Variants in TMEM42 observed in about 807,000 individuals in gnomAD.
The protein encoded by TMEM42 is transmembrane protein 42.
TMEM42 carries 8 observed loss-of-function variants against 14.0 expected under a neutral mutation model. That is an observed-to-expected ratio of 0.57 (90% CI 0.34 to 1.03). TMEM42 has a LOEUF of 1.03. Ranked by LOEUF, TMEM42 falls within the 50% of genes least tolerant of loss-of-function variation. The pLI, the probability that TMEM42 is intolerant of heterozygous loss-of-function variation, is 0.03. For synonymous variants in TMEM42, 115 were observed against 94.3 expected, an observed-to-expected ratio of 1.22 and a Z score of -1.27; for missense variants, 211 against 219.8, an observed-to-expected ratio of 0.96 and a Z score of 0.25.
At chr3:44,863,310 C>CCCCCCA (rs1553668763) in intron 1 of TMEM42, 1 of 117,436 alleles carries the variant, frequency 8.5e-6, no homozygotes, top group African/African-American at 2.8e-5. Context: ...ACCCCCCCCC[C>CCCCCCA]CCGCCGCCTT....
At position 44,862,075 on chromosome 3, in the gene TMEM42, G is replaced by A. The variant is rs1699260380; in HGVS notation, c.151G>A (p.Ala51Thr). 1.6e-6 allele frequency: 2 copies of A among 1,218,164 alleles called. No individual in the cohort carries two copies. Among genetic ancestry groups the A allele is most frequent in the Non-Finnish European group, 2.1e-6 (2 of 967,200 alleles). 75.5% of individuals were successfully genotyped at this position (1,218,164 alleles called of 1,614,324 possible). A position where few individuals can be genotyped will look rare whatever the true frequency, so the allele number is the denominator to read the frequency against. ...FNCLCAGAFG[A>T]LAAASAKLAF... ...CTGTCTGTGCGCCGGCGCGTTCGGG[G>A]CCCTGGCCGCCGCCTCCGCCAAGCT... The change falls in exon 1 of 3, where the codon GCC (alanine) becomes ACC (threonine). Residue 51 changes from alanine (A) to threonine (T), a missense_variant. Coordinates refer to ENST00000302392, the MANE Select transcript of TMEM42 (RefSeq NM_144638.3).
rs757773130 is a variant in TMEM42, at chr3:44,864,215, G to A, written c.211G>A (p.Val71Ile). The change falls in exon 2 of 3, where the codon GTC (valine) becomes ATC (isoleucine). Residue 71 changes from valine (V) to isoleucine (I), a missense_variant. By Grantham distance (29) the Val-to-Ile change is conservative. Transcript: ENST00000302392. ...FGSEVSMGLC[V>I]LGIIVMASTN... ...CCTGCAGGTGAGCATGGGTTTATGCGTCTTAGGCATTATTGTGATGGCGAG... is the reference window on the plus strand; with the variant it reads ...CCTGCAGGTGAGCATGGGTTTATGCATCTTAGGCATTATTGTGATGGCGAG... 7.4e-5 allele frequency: 120 copies of A among 1,613,988 alleles called. No homozygotes were observed. Among genetic ancestry groups the A allele is most frequent in the Admixed American group, 5.0e-4 (30 of 60,012 alleles).
At position 44,863,311 on chromosome 3, in the gene TMEM42, C is replaced by T. The variant is rs1052399676; in HGVS notation, c.193-886C>T. 1.7e-5 allele frequency: 2 copies of T among 117,774 alleles called. 1 individual carries two copies. Among genetic ancestry groups the T allele is most frequent in the Non-Finnish European group, 3.9e-5 (2 of 50,800 alleles). The allele number at this position is 117,774 out of a possible 1,614,324, so 7.3% of individuals were successfully genotyped here. A position where few individuals can be genotyped will look rare whatever the true frequency, so the allele number is the denominator to read the frequency against. ...TATTTAGATTCCGCACCCCCCCCCC[C>T]CGCCGCCTTGTCTCCAGGCAGGTTT... On this transcript the variant is annotated intron_variant, in intron 1 of 2. Coordinates refer to ENST00000302392, the MANE Select transcript of TMEM42 (RefSeq NM_144638.3).
intron 2 of TMEM42, 64 bp downstream of exon 2, chr3:44,864,407 A>G: frequency 6.2e-7 from 1 of 1,601,008 alleles, no homozygotes. Context: ...TTGTCTTTGG[A>G]TAACCCCTCC....
At chr3:44,864,047 C>A in intron 1 of TMEM42, 150 bp from the exon 2 acceptor site, 1 of 816,162 alleles carries the variant, frequency 1.2e-6, no homozygotes, top group Non-Finnish European at 1.9e-6. Flanking sequence ...AAGTGAAGCC[C>A]TGTGCAGGAA....
intron 1 of TMEM42, chr3:44,862,351 A>G (rs923679081): frequency 2.4e-4 from 38 of 160,754 alleles, no homozygotes; most frequent in Admixed American, 2.0e-4. Context: ...ACCCTCGTCC[A>G]GTGTAGGTGG....
At chr3:44,863,310 C>CA (rs893417553) in intron 1 of TMEM42, 3 of 117,538 alleles carry the variant, frequency 2.6e-5, no homozygotes, top group African/African-American at 5.6e-5. Context: ...ACCCCCCCCC[C>CA]CCGCCGCCTT....
In TMEM42 at chr3:44,865,646, CG is replaced by C. The variant is rs1559603402; in HGVS notation, c.*467del. 1 of 159,518 alleles carries C rather than the reference CG, an allele frequency of 6.3e-6. No individual in the cohort carries two copies. Among genetic ancestry groups the C allele is most frequent in the Admixed American group, 6.1e-5 (1 of 16,496 alleles). 9.9% of individuals were successfully genotyped at this position (159,518 alleles called of 1,614,324 possible). ...AAGAGGAAAACTGGATTAATAAATA[CG>C]TTTTTTGTAAGTTAAAACTACCAGG... On this transcript the variant is annotated 3_prime_UTR_variant, in exon 3 of 3. Coordinates refer to ENST00000302392, the MANE Select transcript of TMEM42 (RefSeq NM_144638.3).
At chr3:44,864,673 G>C (rs1000909091) in intron 2 of TMEM42, among the ~76,000 whole-genome samples, 2 of 152,170 alleles carry the variant, frequency 1.3e-5, no homozygotes, top group Admixed American at 1.3e-4. Flanking sequence ...GCATTTAGAG[G>C]GTTGGGATTC....
At position 44,861,999 on chromosome 3, in the gene TMEM42, T is replaced by C; in HGVS notation, c.75T>C (p.Pro25=). The change falls in exon 1 of 3, where the codon CCT becomes CCC. Residue 25 remains proline (P), a synonymous_variant. Transcript: ENST00000302392. ...ACCCTGACACCCCCGCGGAATTCCCTCCGCACCTCCAGGCGGGTGCGATGC... is the reference window on the plus strand; with the variant it reads ...ACCCTGACACCCCCGCGGAATTCCCCCCGCACCTCCAGGCGGGTGCGATGC... ...TAYPDTPAEF[P]PHLQAGAMRR... The C allele has an allele frequency of 1.4e-6, 2 of 1,385,622 alleles. No individual in the cohort carries two copies. Among genetic ancestry groups the C allele is most frequent in the Non-Finnish European group, 1.9e-6 (2 of 1,068,992 alleles). 85.8% of individuals were successfully genotyped at this position (1,385,622 alleles called of 1,614,324 possible).
chr3:44,865,490 G>A lies in TMEM42; in HGVS notation c.*310G>A, dbSNP rs1699311503. 3.0e-6 allele frequency: 1 copy of A among 332,070 alleles called. No homozygotes were observed. The highest frequency in any genetic ancestry group is 5.7e-6 in the Non-Finnish European group (1 of 174,976). The allele number at this position is 332,070 out of a possible 1,614,324, so 20.6% of individuals were successfully genotyped here. ...CTTTGTGTATGGTACTTGAAACCAC[G>A]CTGTAATTATTGTCCTGTTGCCAAA... On this transcript the variant is annotated 3_prime_UTR_variant, in exon 3 of 3. Transcript: ENST00000302392.
rs1699309967 is a variant in TMEM42 at position 44,865,365 on chromosome 3, A to C, written c.*185A>C. ...AGAGGTGCAGCTGCAGCAGTGTTCT[A>C]CCGGAAGTGTTTTGATCATCTGTAC... On this transcript the variant is annotated 3_prime_UTR_variant, in exon 3 of 3. Transcript: ENST00000302392. The C allele has an allele frequency of 1.2e-5, 9 of 749,846 alleles. No individual in the cohort carries two copies. Among genetic ancestry groups the C allele is most frequent in the Non-Finnish European group, 1.9e-5 (9 of 467,588 alleles). 46.4% of individuals were successfully genotyped at this position (749,846 alleles called of 1,614,324 possible).
Position 44,865,458 on chromosome 3 carries a change from T to C in TMEM42, c.*278T>C, listed in dbSNP as rs1013673899. On this transcript the variant is annotated 3_prime_UTR_variant, in exon 3 of 3. Coordinates refer to ENST00000302392, the MANE Select transcript of TMEM42 (RefSeq NM_144638.3). ...TCGCAGATGCTGGAGATCCTGGGGT[T>C]GGTCTGCTTTGTGTATGGTACTTGA... 2 of 443,084 alleles carry C rather than the reference T, an allele frequency of 4.5e-6. No homozygotes were observed. The highest frequency in any genetic ancestry group is 3.3e-5 in the Admixed American group (1 of 30,708). The allele number at this position is 443,084 out of a possible 1,614,324, so 27.4% of individuals were successfully genotyped here.
At chr3:44,862,333 C>G (rs1377852894) in intron 1 of TMEM42, 2 of 166,650 alleles carry the variant, frequency 1.2e-5, no homozygotes, top group African/African-American at 4.8e-5. Flanking sequence ...CGCCTCTAAT[C>G]ACGCCAAACC....
chr3:44,864,393 T>TGA (rs1177376969), intron 2 of TMEM42, 50 bp downstream of exon 2: 1 of 1,610,760 alleles, frequency 6.2e-7, no homozygotes. Flanking sequence ...GGGTTCTGGG[T>TGA]GAGTTGTCTT....
At chr3:44,864,409 A>G (rs959161461) in intron 2 of TMEM42, 66 bp downstream of exon 2, 49 of 1,598,742 alleles carry the variant, frequency 3.1e-5, no homozygotes, top group Admixed American at 5.0e-5. Flanking sequence ...GTCTTTGGAT[A>G]ACCCCTCCTT....
At position 44,865,102 on chromosome 3, in the gene TMEM42, C is replaced by G. The variant is rs780799543; in HGVS notation, c.402C>G (p.Phe134Leu). Reference protein sequence around the residue: ...CQEVLWWGGVFLILCGLTLIH... With the variant: ...CQEVLWWGGVLLILCGLTLIH... The stretch of plus-strand genomic sequence containing the variant: ...AGGTCTTGTGGTGGGGAGGAGTGTT[C>G]CTTATTCTCTGCGGACTCACCCTAA... Residue 134 changes from phenylalanine to leucine, a missense_variant, in exon 3 of 3, where the codon TTC becomes TTG. Transcript: ENST00000302392. 6.2e-7 allele frequency: 1 copy of G among 1,614,050 alleles called. No homozygotes were observed. Among genetic ancestry groups the G allele is most frequent in the East Asian group, 2.2e-5 (1 of 44,874 alleles).
chr3:44,863,235 C>G (rs542380017), intron 1 of TMEM42: 49 of 145,202 alleles, frequency 3.4e-4, no homozygotes, highest in African/African-American at 1.2e-3. Context: ...GCACCTTTTT[C>G]TCAAGACACT....
At chr3:44,864,053 A>G in intron 1 of TMEM42, 144 bp from the exon 2 acceptor site, 1 of 887,668 alleles carries the variant, frequency 1.1e-6, no homozygotes, top group South Asian at 1.6e-5. Flanking sequence ...AGCCCTGTGC[A>G]GGAAAGCTCT....
Sources: allele counts gnomAD v4.1 joint callset (sites outside exome capture counted in the v4.1 genomes callset), GRCh38; gene constraint gnomAD v4.1.1; transcripts MANE v1.5; gene names NCBI Gene and HGNC (gene_info 2026-07-23, HGNC 2026-07-21).